The following PLXNA4 variants were observed in gnomAD, a reference collection of about 807,000 sequenced individuals.
PLXNA4 encodes plexin-A4.
A neutral mutation model predicts 191.8 loss-of-function variants in PLXNA4; 44 were observed. The ratio of observed to expected loss-of-function variants is 0.23; its 90% CI spans 0.18 to 0.29. PLXNA4 has a LOEUF of 0.29. Among genes scored for constraint, PLXNA4 ranks in the 10% least tolerant of loss-of-function variants. PLXNA4 has a pLI of 1.00. For missense variants in PLXNA4, 1,800 were observed against 2,488.8 expected, an observed-to-expected ratio of 0.72 and a Z score of 5.89; for synonymous variants, 1,082 against 1,009.5, an observed-to-expected ratio of 1.07 and a Z score of -1.36.
chr7:132,137,369 A>G (rs1795142759), intron 30 of PLXNA4, among the ~76,000 whole-genome samples: 1 of 151,890 alleles, frequency 6.6e-6, no homozygotes, highest in Admixed American at 6.6e-5. Context: ...ATGTTGCTGC[A>G]AGAATGACCT....
chr7:132,528,503 C>G (rs1020087327), intron 1 of PLXNA4, among the ~76,000 whole-genome samples: 2 of 152,228 alleles, frequency 1.3e-5, no homozygotes, highest in Non-Finnish European at 2.9e-5. Flanking sequence ...TTAAGCCAGT[C>G]ATGCTGGTCT....
chr7:132,630,154 G>T (rs532985685), intron 2 of PLXNA4, among the ~76,000 whole-genome samples: 10 of 152,084 alleles, frequency 6.6e-5, no homozygotes, highest in Admixed American at 6.6e-4. Flanking sequence ...CCGGCCTGGT[G>T]TCTCTTCTTA....
chr7:132,235,524 C>G (rs1350605726), intron 5 of PLXNA4, among the ~76,000 whole-genome samples: 1 of 152,198 alleles, frequency 6.6e-6, no homozygotes, highest in Admixed American at 6.5e-5. Context: ...GGCATTCTTC[C>G]AACAGAAGAA....
At chr7:132,486,654 TA>T (rs1158727308) in intron 3 of PLXNA4, among the ~76,000 whole-genome samples, 5 of 152,266 alleles carry the variant, frequency 3.3e-5, no homozygotes, top group Non-Finnish European at 5.9e-5. Flanking sequence ...TTCAAATGTT[TA>T]TGCCTCACCA....
chr7:132,156,046 C>G (rs1223847857), intron 25 of PLXNA4, among the ~76,000 whole-genome samples: 2 of 151,284 alleles, frequency 1.3e-5, no homozygotes, highest in African/African-American at 2.4e-5. Context: ...AGCCTGCCAG[C>G]CAACCCTGCA....
chr7:132,643,039 G>T lies in PLXNA4; in HGVS notation c.-87+2889C>A, dbSNP rs549617101. On this transcript the variant is annotated intron_variant, in intron 2 of 4. Coordinates refer to the PLXNA4 transcript ENST00000378539. ...AGAAGGGTATTAGGTGGCTGGGGAT[G>T]GGGTGGGAGGGAGAATTTCAATGGT... Among the ~76,000 whole-genome samples the T allele has an allele frequency of 6.4e-3, 979 of 152,264 alleles. 8 individuals are homozygous for T. Among genetic ancestry groups the T allele is most frequent in the African/African-American group, 0.023 (950 of 41,532 alleles).
At chr7:132,365,360 T>TGTGTGTGCGCGCGCGC in intron 3 of PLXNA4, among the ~76,000 whole-genome samples, 41 of 128,824 alleles carry the variant, frequency 3.2e-4, no homozygotes, top group South Asian at 1.7e-3. Context: ...TGTGTGTGTG[T>TGTGTGTGCGCGCGCGC]GCGTGCGCGC....
intron 1 of PLXNA4, among the ~76,000 whole-genome samples, chr7:132,559,463 G>C (rs1800938348): frequency 6.6e-6 from 1 of 152,192 alleles, no homozygotes; most frequent in African/African-American, 2.4e-5. Flanking sequence ...CTTTGGGCCT[G>C]AACTCCCGGG....
chr7:132,329,379 G>C (rs1802500402), intron 3 of PLXNA4, among the ~76,000 whole-genome samples: 1 of 152,186 alleles, frequency 6.6e-6, no homozygotes, highest in African/African-American at 2.4e-5. Flanking sequence ...CTTTATGTGT[G>C]TGTTTCCCTC....
intron 15 of PLXNA4, among the ~76,000 whole-genome samples, chr7:132,185,692 T>C (rs1796856168): frequency 6.6e-6 from 1 of 152,234 alleles, no homozygotes; most frequent in African/African-American, 2.4e-5. Flanking sequence ...GGGTCTGTCT[T>C]TGGCCTGTCT....
intron 3 of PLXNA4, among the ~76,000 whole-genome samples, chr7:132,349,195 C>G (rs1803379369): frequency 6.6e-6 from 1 of 152,138 alleles, no homozygotes. Context: ...TTTTTCCCCT[C>G]CCTTTCTTTT....
intron 3 of PLXNA4, among the ~76,000 whole-genome samples, chr7:132,473,592 G>T (rs1797008994): frequency 6.6e-6 from 1 of 152,174 alleles, no homozygotes; most frequent in Non-Finnish European, 1.5e-5. Context: ...CAGAAGGCAA[G>T]ACCCTCCAAA....
At chr7:132,641,341 C>G (rs188186374) in intron 2 of PLXNA4, among the ~76,000 whole-genome samples, 6 of 152,188 alleles carry the variant, frequency 3.9e-5, no homozygotes, top group Non-Finnish European at 7.3e-5. Context: ...CCTGAGGCCT[C>G]TCTCCTTGGC....
intron 9 of PLXNA4, among the ~76,000 whole-genome samples, chr7:132,216,107 A>G (rs921817145): frequency 6.6e-6 from 1 of 152,140 alleles, no homozygotes; most frequent in African/African-American, 2.4e-5. Flanking sequence ...TCCAATGCTC[A>G]CTCTGGGCAG....
intron 10 of PLXNA4, 62 bp from the exon 11 acceptor site, chr7:132,203,481 C>G: frequency 7.0e-7 from 1 of 1,426,832 alleles, no homozygotes; most frequent in East Asian, 2.3e-5. Context: ...CTAGAGAGGG[C>G]CCAAATGATC....
intron 2 of PLXNA4, 149 bp downstream of exon 2, chr7:132,507,357 C>T: frequency 1.2e-6 from 1 of 868,564 alleles, no homozygotes; most frequent in Non-Finnish European, 1.7e-6. Context: ...TGGTGACACT[C>T]TGGGTCCAAT....
intron 1 of PLXNA4, among the ~76,000 whole-genome samples, chr7:132,551,597 A>T (rs1009399844): frequency 1.3e-4 from 20 of 152,112 alleles, no homozygotes; most frequent in African/African-American, 4.6e-4. Flanking sequence ...TCTGCAAAAG[A>T]CGTAATACCA....
intron 3 of PLXNA4, among the ~76,000 whole-genome samples, chr7:132,414,139 T>C (rs567056583): frequency 6.6e-6 from 1 of 152,322 alleles, no homozygotes; most frequent in Non-Finnish European, 1.5e-5. Flanking sequence ...AAAGCCCCGG[T>C]TGCTGTAATG....
chr7:132,176,221 C>T (rs1438455349), intron 20 of PLXNA4, among the ~76,000 whole-genome samples: 2 of 152,208 alleles, frequency 1.3e-5, no homozygotes, highest in Non-Finnish European at 2.9e-5. Context: ...CCTCTGCAGC[C>T]TCTCCTGCTG....
Sources: gnomAD v4.1 joint callset for allele counts (sites outside exome capture counted in the v4.1 genomes callset) on GRCh38, gnomAD v4.1.1 for gene constraint, MANE v1.5 for transcripts, NCBI Gene and HGNC (gene_info 2026-07-23, HGNC 2026-07-21) for gene names.